DST: variants seen among roughly 807,000 people sequenced by gnomAD.
The protein encoded by DST is bullous pemphigoid antigen.
DST carries 253 observed loss-of-function variants against 875.2 expected under a neutral mutation model. The observed-to-expected ratio is 0.29, with a 90% CI of 0.26 to 0.32. DST has a LOEUF of 0.32. Ranked by LOEUF, DST falls within the 10% of genes least tolerant of loss-of-function variation. The pLI is 1.00. For missense variants in DST, 8,287 were observed against 9,111.6 expected, an observed-to-expected ratio of 0.91 and a Z score of 3.68; for synonymous variants, 3,124 against 3,197.1, an observed-to-expected ratio of 0.98 and a Z score of 0.77.
intron 9 of DST, among the ~76,000 whole-genome samples, chr6:56,672,916 C>A (rs1293790498): frequency 6.6e-6 from 1 of 152,132 alleles, no homozygotes; most frequent in Non-Finnish European, 1.5e-5. Flanking sequence ...TAATGAAAAT[C>A]TACGATCGCA....
chr6:56,934,560 T>TTTTATATATATATATA lies in DST; in HGVS notation c.216+19224_216+19225insTATATATATATATAAA, dbSNP rs869186436. Among the ~76,000 whole-genome samples the TTTTATATATATATATA allele has an allele frequency of 6.1e-3, 649 of 106,452 alleles. 35 individuals carry two copies. The highest frequency in any genetic ancestry group is 0.014 in the Middle Eastern group (3 of 210). The allele number at this position is 106,452 out of a possible 152,430, so 69.8% of individuals were successfully genotyped here. Reference sequence around the variant, plus strand: ...TAAAATATACATATTATATATTATATTATATATATATATATATATATATAT... The same window carrying TTTTATATATATATATA: ...TAAAATATACATATTATATATTATATTTTATATATATATATATATATATATATATATATATATATAT... On this transcript the variant is annotated intron_variant, in intron 2 of 103. Coordinates refer to ENST00000680361, the MANE Select transcript of DST (RefSeq NM_001374736.1).
At chr6:56,845,379 A>G (rs910856580) in intron 4 of DST, among the ~76,000 whole-genome samples, 7 of 146,672 alleles carry the variant, frequency 4.8e-5, no homozygotes, top group East Asian at 3.9e-4. Context: ...TACTCGTGGG[A>G]AAAAAAAACT....
At chr6:56,463,290 T>A (rs910586627) in intron 101 of DST, 134 bp from the exon 102 acceptor site, 2 of 623,408 alleles carry the variant, frequency 3.2e-6, no homozygotes, top group Non-Finnish European at 5.5e-6. Flanking sequence ...AAAGATCCAA[T>A]GGCAAATCAT....
At chr6:56,637,493 G>A (rs1563366572) in intron 22 of DST, among the ~76,000 whole-genome samples, 1 of 152,020 alleles carries the variant, frequency 6.6e-6, no homozygotes, top group Non-Finnish European at 1.5e-5. Context: ...AGAAATATAT[G>A]GTTATGTCGG....
chr6:56,598,144 C>A, intron 46 of DST, 138 bp from the exon 47 acceptor site: 3 of 871,830 alleles, frequency 3.4e-6, no homozygotes, highest in Non-Finnish European at 4.8e-6. Flanking sequence ...AACTTAACAA[C>A]TGAAATTAAA....
At chr6:56,744,561 T>C (rs2099565492) in intron 4 of DST, among the ~76,000 whole-genome samples, 1 of 151,914 alleles carries the variant, frequency 6.6e-6, no homozygotes, top group African/African-American at 2.4e-5. Context: ...AAGGAAGGAA[T>C]AGTTGGGATC....
intron 74 of DST, among the ~76,000 whole-genome samples, chr6:56,509,296 T>G (rs1350211634): frequency 6.6e-6 from 1 of 152,290 alleles, no homozygotes; most frequent in Non-Finnish European, 1.5e-5. Context: ...ATCCATGCTA[T>G]GTAAGGTAGC....
At chr6:56,635,802 G>A in intron 23 of DST, 88 bp from the exon 24 acceptor site, 2 of 1,370,278 alleles carry the variant, frequency 1.5e-6, no homozygotes, top group Non-Finnish European at 1.0e-6. Context: ...GGTCCTATGT[G>A]TACCCCTCAT....
Position 56,493,046 on chromosome 6 carries a change from T to C in DST, c.20438A>G (p.Asn6813Ser), listed in dbSNP as rs199628430. ...CCAGTTGATGAAGTCTTGGAGAGAA[T>C]TGTGGAACTCCATTGCCAAGTTGAG... ...EALNLAMEFH[N>S]SLQDFINWLT... Residue 6813 changes from asparagine to serine, a missense_variant, in exon 84 of 104, where the codon AAT (asparagine) becomes AGT (serine). Physicochemically the swap from Asn to Ser is conservative, Grantham distance 46. This residue lies in a region of DST where 1,292 missense variants were observed against 1,552.7 expected (regional missense o/e 0.83). Coordinates refer to ENST00000680361, the MANE Select transcript of DST (RefSeq NM_001374736.1). The C allele has an allele frequency of 1.0e-3, 1,672 of 1,612,668 alleles. 3 individuals carry two copies. Among genetic ancestry groups the C allele is most frequent in the South Asian group, 2.2e-3 (200 of 90,674 alleles).
chr6:56,837,239 T>G (rs1483743542), intron 4 of DST, among the ~76,000 whole-genome samples: 2 of 152,204 alleles, frequency 1.3e-5, no homozygotes, highest in South Asian at 4.1e-4. Context: ...TAAAAACACC[T>G]TTTCTAATAA....
intron 88 of DST, 62 bp downstream of exon 88, chr6:56,485,250 A>G: frequency 1.9e-6 from 3 of 1,576,678 alleles, no homozygotes; most frequent in Non-Finnish European, 2.6e-6. Flanking sequence ...TAAATGGTTT[A>G]CATTTCCTGT....
chr6:56,784,116 C>T (rs979602783), intron 4 of DST, among the ~76,000 whole-genome samples: 1 of 152,166 alleles, frequency 6.6e-6, no homozygotes, highest in Non-Finnish European at 1.5e-5. Flanking sequence ...ATGAGCTTCC[C>T]TTTGTGGGTA....
chr6:56,639,155 A>G (rs2098856041), intron 22 of DST, 104 bp downstream of exon 22: 4 of 1,018,450 alleles, frequency 3.9e-6, no homozygotes, highest in Admixed American at 2.0e-5. Context: ...GGTTTTAATA[A>G]AAGTTAGATG....
At chr6:56,570,523 C>G (rs948451344) in intron 53 of DST, among the ~76,000 whole-genome samples, 1 of 152,070 alleles carries the variant, frequency 6.6e-6, no homozygotes, top group Non-Finnish European at 1.5e-5. Context: ...TCTAATGCCT[C>G]TGACGATCTG....
intron 100 of DST, chr6:56,464,297 C>T (rs2094475047): frequency 7.5e-6 from 2 of 267,742 alleles, no homozygotes; most frequent in Non-Finnish European, 1.4e-5. Flanking sequence ...GGATTTTTCA[C>T]TTAAATGAGG....
At chr6:56,706,517 G>A (rs761559220) in intron 5 of DST, among the ~76,000 whole-genome samples, 5 of 152,136 alleles carry the variant, frequency 3.3e-5, no homozygotes, top group Middle Eastern at 3.2e-3. Context: ...ATATGTACGC[G>A]AACAGATAAG....
intron 4 of DST, among the ~76,000 whole-genome samples, chr6:56,848,997 C>G (rs1165176745): frequency 6.6e-6 from 1 of 151,874 alleles, no homozygotes; most frequent in Non-Finnish European, 1.5e-5. Flanking sequence ...CAAGATTATG[C>G]CACTGCACTC....
At chr6:56,573,165 AC>A (rs1156276488) in intron 51 of DST, 101 bp from the exon 52 acceptor site, 4 of 1,032,756 alleles carry the variant, frequency 3.9e-6, no homozygotes, top group Non-Finnish European at 5.5e-6. Flanking sequence ...AGCTTGCACA[AC>A]CTGTGCCTAG....
intron 4 of DST, among the ~76,000 whole-genome samples, chr6:56,740,407 C>T (rs1482014958): frequency 1.3e-5 from 2 of 152,108 alleles, no homozygotes; most frequent in African/African-American, 2.4e-5. Context: ...ATGGCACTCA[C>T]CATGTATGCA....
Sources: allele counts gnomAD v4.1 joint callset (sites outside exome capture counted in the v4.1 genomes callset), GRCh38; gene constraint gnomAD v4.1.1; regional missense constraint gnomAD v4.1.1; transcripts MANE v1.5; gene names NCBI Gene and HGNC (gene_info 2026-07-23, HGNC 2026-07-21).